The following INPP5D variants were observed in gnomAD, a reference collection of about 807,000 sequenced individuals.
The protein encoded by INPP5D is phosphatidylinositol 3,4,5-trisphosphate 5-phosphatase 1.
INPP5D carries 33 observed loss-of-function variants against 122.9 expected under a neutral mutation model. The observed-to-expected ratio is 0.27, with a 90% CI of 0.20 to 0.36. The LOEUF (loss-of-function observed/expected upper bound fraction) is 0.36, where lower values mean the gene tolerates loss of function less well. Among genes scored for constraint, INPP5D ranks in the 10% least tolerant of loss-of-function variants. The probability of loss-of-function intolerance (pLI) is 1.00; values close to 1 mark genes in which losing one functional copy is unlikely to be tolerated. For synonymous variants in INPP5D, 584 were observed against 576.2 expected (o/e 1.01, Z -0.19); for missense variants, 1,053 against 1,412.7 (o/e 0.75, Z 4.08).
At chr2:233,196,289 T>G (rs1162099893) in intron 24 of INPP5D, among the ~76,000 whole-genome samples, 1 of 152,174 alleles carries the variant, frequency 6.6e-6, no homozygotes, top group East Asian at 1.9e-4. Flanking sequence ...GAGGTTGATG[T>G]GACTGTGACA....
intron 10 of INPP5D, 136 bp from the exon 11 acceptor site, chr2:233,161,588 T>G: frequency 2.4e-6 from 3 of 1,262,246 alleles, no homozygotes; most frequent in Non-Finnish European, 3.2e-6. Context: ...GGACACATGT[T>G]TCCAGGTTGC....
intron 2 of INPP5D, among the ~76,000 whole-genome samples, chr2:233,104,006 CTTTT>C (rs5839471): frequency 4.9e-5 from 4 of 81,834 alleles, no homozygotes; most frequent in East Asian, 3.4e-4. Context: ...TGTGCCCTGC[CTTTT>C]TTTTTTTTTT....
At chr2:233,087,153 G>C (rs1691874910) in intron 2 of INPP5D, among the ~76,000 whole-genome samples, 1 of 152,060 alleles carries the variant, frequency 6.6e-6, no homozygotes, top group South Asian at 2.1e-4. Flanking sequence ...TGTCAGATTT[G>C]CAAGAGGCCA....
At chr2:233,180,279 C>G (rs1283971362) in intron 18 of INPP5D, among the ~76,000 whole-genome samples, 3 of 152,024 alleles carry the variant, frequency 2.0e-5, no homozygotes, top group Non-Finnish European at 2.9e-5. Flanking sequence ...ACCCATCTTA[C>G]AGTCCACCTC....
chr2:233,129,926 G>A (rs1418065264), intron 4 of INPP5D, among the ~76,000 whole-genome samples: 1 of 151,290 alleles, frequency 6.6e-6, no homozygotes, highest in Non-Finnish European at 1.5e-5. Context: ...GTGAGAGACA[G>A]TGTCTCACTC....
intron 9 of INPP5D, among the ~76,000 whole-genome samples, chr2:233,156,134 G>A (rs1021239124): frequency 6.6e-6 from 1 of 152,238 alleles, no homozygotes; most frequent in African/African-American, 2.4e-5. Flanking sequence ...GAAGATGCTG[G>A]CTGTGCCCAA....
intron 4 of INPP5D, 59 bp downstream of exon 4, chr2:233,125,978 G>A: frequency 6.5e-7 from 1 of 1,535,604 alleles, no homozygotes; most frequent in Non-Finnish European, 8.8e-7. Flanking sequence ...GCCAGGGCAG[G>A]GCTGGATGGC....
At chr2:233,107,728 C>T (rs563233713) in intron 2 of INPP5D, among the ~76,000 whole-genome samples, 1 of 152,242 alleles carries the variant, frequency 6.6e-6, no homozygotes, top group South Asian at 2.1e-4. Flanking sequence ...GGGGTTACAA[C>T]CTGGTGCTTG....
In INPP5D at chr2:233,164,427, G is replaced by A. The variant is rs1383255965; in HGVS notation, c.1555+3G>A. The A allele has an allele frequency of 1.3e-6, 2 of 1,547,426 alleles. No homozygotes were observed. The highest frequency in any genetic ancestry group is 2.7e-5 in the African/African-American group (2 of 73,130). ...GACAGGCATTGCAAACACACTGGGT[G>A]AGCAGGGCGGGGACCCTGTGTTCCT... On this transcript the variant is annotated splice_donor_region_variant and intron_variant, in intron 13 of 26. Coordinates refer to ENST00000445964, the MANE Select transcript of INPP5D (RefSeq NM_001017915.3). This position sits in a 1 kb window ranked among gnomAD's most constrained non-coding sequence, Gnocchi z 4.3.
In INPP5D at chr2:233,146,006, C is replaced by T. The variant is rs1693749327; in HGVS notation, c.754-156C>T. 4.3e-6 allele frequency: 3 copies of T among 702,052 alleles called. No individual in the cohort carries two copies. The East Asian group carries it at 8.1e-5, about 19-fold the overall frequency. The allele number at this position is 702,052 out of a possible 1,614,324, so 43.5% of individuals were successfully genotyped here. On this transcript the variant is annotated intron_variant, in intron 6 of 26. Transcript: ENST00000445964. ...TGAATTCTGAGAAGATTGTAGAGAT[C>T]CCTGTGTCCTCATCTGCCAGAAGGG...
Position 233,122,229 on chromosome 2 carries a change from C to T in INPP5D, c.321C>T (p.Asp107=). ...LQYPVPLEEE[D]TGDDPEEDTV... is the part of the protein sequence containing the mutation. ...ACCCTGTGCCGCTGGAGGAAGAGGA[C>T]ACAGGCGACGACCCTGAGGAGGACA... is the stretch of plus-strand genomic sequence containing the variant. The change falls in exon 3 of 27, where the codon GAC becomes GAT. Residue 107 remains aspartate (D), a synonymous_variant. Coordinates refer to ENST00000445964, the MANE Select transcript of INPP5D (RefSeq NM_001017915.3). 1 of 1,613,828 alleles carries T rather than the reference C, an allele frequency of 6.2e-7. No homozygotes were observed. Among genetic ancestry groups the T allele is most frequent in the Non-Finnish European group, 8.5e-7 (1 of 1,179,850 alleles).
intron 25 of INPP5D, among the ~76,000 whole-genome samples, chr2:233,200,275 G>A (rs577424869): frequency 4.6e-5 from 7 of 152,330 alleles, no homozygotes; most frequent in Admixed American, 1.3e-4. Context: ...TGGGTACCTC[G>A]TGGATACACA....
In INPP5D at chr2:233,100,998, A is replaced by C. The variant is rs1199001322; in HGVS notation, c.199-21109A>C. Among the ~76,000 whole-genome samples, 2 of 148,818 alleles carry C rather than the reference A, an allele frequency of 1.3e-5. No homozygotes were observed. The highest frequency in any genetic ancestry group is 3.0e-5 in the Non-Finnish European group (2 of 67,382). ...GTGTGCCCCCAACGAGTCATTCACC[A>C]TCTTGTGCTAACTGCATTTCTTCCT... On this transcript the variant is annotated intron_variant, in intron 2 of 26. Transcript: ENST00000445964. The surrounding 1 kb of genome is among the most constrained non-coding windows in gnomAD (Gnocchi z 5.3).
At chr2:233,134,288 G>C (rs1190069959) in intron 5 of INPP5D, 7 of 293,350 alleles carry the variant, frequency 2.4e-5, no homozygotes, top group Non-Finnish European at 4.1e-5. Context: ...TGCATTTGGG[G>C]AATCATGGGG....
intron 3 of INPP5D, among the ~76,000 whole-genome samples, chr2:233,124,118 T>G (rs908546211): frequency 2.0e-5 from 3 of 152,144 alleles, no homozygotes; most frequent in Non-Finnish European, 4.4e-5. Flanking sequence ...TACAAGTTTT[T>G]TTTTTTTTTT....
At position 233,204,552 on chromosome 2, in the gene INPP5D, G is replaced by T; in HGVS notation, c.3402G>T (p.Pro1134=). The T allele has an allele frequency of 1.9e-6, 3 of 1,573,462 alleles. No individual in the cohort carries two copies. The African/African-American group carries it at 4.1e-5, about 21-fold the overall frequency. The part of the protein sequence containing the change: ...PSRSEINQQT[P]PTPTPRPPLP... ...GATCGGAAATCAACCAGCAGACCCC[G>T]CCCACCCCGACGCCGCGGCCGCCGC... Residue 1134 remains proline, a synonymous_variant, in exon 26 of 27, where the codon CCG becomes CCT. Coordinates refer to ENST00000445964, the MANE Select transcript of INPP5D (RefSeq NM_001017915.3).
chr2:233,073,588 C>G (rs1006717181), intron 1 of INPP5D, among the ~76,000 whole-genome samples: 1 of 139,966 alleles, frequency 7.1e-6, no homozygotes, highest in South Asian at 2.2e-4. Flanking sequence ...TGCAGTGAGC[C>G]GAGATCGAGC....
At chr2:233,079,206 G>A (rs146780429) in intron 1 of INPP5D, 129 bp from the exon 2 acceptor site, 8 of 658,462 alleles carry the variant, frequency 1.2e-5, no homozygotes, top group South Asian at 3.3e-5. Flanking sequence ...TTAAGAGAAC[G>A]GTCAGCTCCG....
intron 2 of INPP5D, among the ~76,000 whole-genome samples, chr2:233,087,633 T>C (rs943995389): frequency 6.6e-6 from 1 of 152,148 alleles, no homozygotes; most frequent in Non-Finnish European, 1.5e-5. Context: ...CCCTGAGGTA[T>C]TTGAAAATAT....
Sources: gnomAD v4.1 joint callset for allele counts (sites outside exome capture counted in the v4.1 genomes callset) on GRCh38, gnomAD v4.1.1 for gene constraint, Gnocchi (gnomAD v3.1) non-coding constraint, MANE v1.5 for transcripts, NCBI Gene and HGNC (gene_info 2026-07-23, HGNC 2026-07-21) for gene names.